Variants in DNAJC12 observed in about 807,000 individuals in gnomAD.
The protein encoded by DNAJC12 is dnaJ homolog subfamily C member 12.
Under a neutral mutation model 28.5 loss-of-function variants are expected in DNAJC12, and 25 were observed. The ratio of observed to expected loss-of-function variants is 0.88; its 90% CI spans 0.64 to 1.22. The LOEUF is 1.22. Ranked by LOEUF, DNAJC12 falls within the 50% of genes most tolerant of loss-of-function variation. The pLI, the probability that DNAJC12 is intolerant of heterozygous loss-of-function variation, is 0.00. For missense variants in DNAJC12, 222 were observed against 231.7 expected, an observed-to-expected ratio of 0.96 and a Z score of 0.27; for synonymous variants, 77 against 80.6, an observed-to-expected ratio of 0.95 and a Z score of 0.24.
At chr10:67,830,346 C>T (rs1388496304) in intron 1 of DNAJC12, among the ~76,000 whole-genome samples, 1 of 146,246 alleles carries the variant, frequency 6.8e-6, no homozygotes, top group African/African-American at 2.5e-5. Context: ...CTGTGGCTCA[C>T]TCTTGTAATC....
chr10:67,837,588 G>C (rs899318956), intron 1 of DNAJC12, among the ~76,000 whole-genome samples: 8 of 151,878 alleles, frequency 5.3e-5, no homozygotes, highest in African/African-American at 1.9e-4. Flanking sequence ...CCATAATAAA[G>C]GTATAGCTTA....
chr10:67,820,931 G>A (rs1338914418), intron 2 of DNAJC12, among the ~76,000 whole-genome samples: 3 of 151,886 alleles, frequency 2.0e-5, no homozygotes, highest in Admixed American at 6.6e-5. Flanking sequence ...TTACACGCAT[G>A]CGCCACTAGG....
intron 3 of DNAJC12, 27 bp downstream of exon 3, chr10:67,811,497 T>C (rs141560052): frequency 9.9e-6 from 16 of 1,613,224 alleles, no homozygotes; most frequent in Non-Finnish European, 1.4e-5. Flanking sequence ...CTTCACAAAT[T>C]CACGTCGCAC....
chr10:67,808,899 G>T (rs994087769), intron 3 of DNAJC12, among the ~76,000 whole-genome samples: 2 of 152,154 alleles, frequency 1.3e-5, no homozygotes, highest in Non-Finnish European at 2.9e-5. Context: ...TCTGGCTGGT[G>T]AAACTGTGGC....
intron 3 of DNAJC12, among the ~76,000 whole-genome samples, chr10:67,806,305 A>G (rs774507605): frequency 1.3e-5 from 2 of 152,336 alleles, no homozygotes; most frequent in Non-Finnish European, 2.9e-5. Flanking sequence ...CATAGCCTTT[A>G]ACACCCTAAA....
At chr10:67,836,828 AAAC>A (rs1238077090) in intron 1 of DNAJC12, among the ~76,000 whole-genome samples, 2 of 151,984 alleles carry the variant, frequency 1.3e-5, no homozygotes, top group Non-Finnish European at 2.9e-5. Flanking sequence ...TGCCTTTATG[AAAC>A]AACAATAAAT....
Position 67,824,806 on chromosome 10 carries a change from T to C in DNAJC12, c.79-1414A>G, listed in dbSNP as rs568154979. Among the ~76,000 whole-genome samples the C allele has an allele frequency of 2.6e-5, 4 of 152,180 alleles. No individual in the cohort carries two copies. In the South Asian group the frequency reaches 8.3e-4, roughly 32 times the overall value. On this transcript the variant is annotated intron_variant, in intron 1 of 4. Coordinates refer to ENST00000225171, the MANE Select transcript of DNAJC12 (RefSeq NM_021800.3). ...TGGAGTGCAGTGGCGTGATCTCCGC[T>C]CACTGCAACCTCCACCTCCTGGCTT...
At chr10:67,837,437 G>C (rs1174998331) in intron 1 of DNAJC12, among the ~76,000 whole-genome samples, 1 of 152,038 alleles carries the variant, frequency 6.6e-6, no homozygotes. Context: ...AGTAATTTCT[G>C]TCACACAATT....
At position 67,805,766 on chromosome 10, in the gene DNAJC12, C is replaced by T. The variant is rs911530618; in HGVS notation, c.319G>A (p.Gly107Ser). 17 of 1,604,112 alleles carry T rather than the reference C, an allele frequency of 1.1e-5. No homozygotes were observed. Among genetic ancestry groups the T allele is most frequent in the Non-Finnish European group, 1.4e-5 (17 of 1,177,226 alleles). Reference sequence around the variant, plus strand: ...TCTTCCAGCATCAGGTCTTTTTTACCTCTGACAACCCAGTGCATTGACTAA... The same window carrying T: ...TCTTCCAGCATCAGGTCTTTTTTACTTCTGACAACCCAGTGCATTGACTAA... ...VKTSMHWVVR[G>S]KKDLMLEESD... The change falls in exon 4 of 5, where the codon GGT becomes AGT. Residue 107 changes from glycine (G) to serine (S), a missense_variant. Gly to Ser is a moderately conservative substitution (Grantham distance 56, BLOSUM62 0). Transcript: ENST00000225171.
intron 3 of DNAJC12, among the ~76,000 whole-genome samples, chr10:67,808,064 T>C (rs1474706028): frequency 2.0e-5 from 3 of 152,220 alleles, no homozygotes; most frequent in African/African-American, 7.2e-5. Context: ...CACAGTTAGA[T>C]AGTCTGCAAA....
At chr10:67,814,990 A>C (rs1841899021) in intron 2 of DNAJC12, among the ~76,000 whole-genome samples, 1 of 152,214 alleles carries the variant, frequency 6.6e-6, no homozygotes, top group African/African-American at 2.4e-5. Flanking sequence ...CCCAACTATT[A>C]TAATCCTAGG....
intron 2 of DNAJC12, among the ~76,000 whole-genome samples, chr10:67,819,816 G>GGAAGGAAGGAAGGAAGGAAGGAAGGAAT (rs1268302354): frequency 4.7e-5 from 7 of 147,790 alleles, no homozygotes; most frequent in African/African-American, 1.8e-4. Context: ...AAGGAAGGAA[G>GGAAGGAAGGAAGGAAGGAAGGAAGGAAT]GAATGTTTAT....
chr10:67,821,481 A>T (rs534879301), intron 2 of DNAJC12, among the ~76,000 whole-genome samples: 1 of 152,234 alleles, frequency 6.6e-6, no homozygotes, highest in East Asian at 1.9e-4. Flanking sequence ...GTGCCATTGC[A>T]CTCCAGCCTG....
At chr10:67,828,709 G>A (rs906378453) in intron 1 of DNAJC12, among the ~76,000 whole-genome samples, 12 of 151,440 alleles carry the variant, frequency 7.9e-5, no homozygotes, top group East Asian at 1.9e-4. Context: ...TATATGAAGA[G>A]CCTTTAATTT....
chr10:67,805,764 A>G lies in DNAJC12; in HGVS notation c.321T>C (p.Gly107=). 2.5e-6 allele frequency: 4 copies of G among 1,603,922 alleles called. No homozygotes were observed. Among genetic ancestry groups the G allele is most frequent in the Non-Finnish European group, 3.4e-6 (4 of 1,177,132 alleles). ...ATTCTTCCAGCATCAGGTCTTTTTT[A>G]CCTCTGACAACCCAGTGCATTGACT... The part of the protein sequence containing the change: ...VKTSMHWVVR[G]KKDLMLEESD... The change falls in exon 4 of 5, where the codon GGT becomes GGC. Residue 107 remains glycine, a synonymous_variant. Transcript: ENST00000225171.
chr10:67,833,080 C>T (rs993173242), intron 1 of DNAJC12, among the ~76,000 whole-genome samples: 2 of 152,142 alleles, frequency 1.3e-5, no homozygotes, highest in Non-Finnish European at 2.9e-5. Flanking sequence ...TAGAAGAAAG[C>T]ATCAGATTGG....
chr10:67,818,039 C>T (rs1348942926), intron 2 of DNAJC12, among the ~76,000 whole-genome samples: 1 of 152,062 alleles, frequency 6.6e-6, no homozygotes, highest in Non-Finnish European at 1.5e-5. Context: ...CCCGTCTGTA[C>T]TAAAAATACA....
At chr10:67,802,830 T>C (rs1841759749) in intron 4 of DNAJC12, among the ~76,000 whole-genome samples, 1 of 144,302 alleles carries the variant, frequency 6.9e-6, no homozygotes, top group South Asian at 2.2e-4. Flanking sequence ...GTATATTAAG[T>C]TATTGTGCGT....
At chr10:67,805,919 T>A in intron 3 of DNAJC12, 132 bp from the exon 4 acceptor site, 1 of 607,406 alleles carries the variant, frequency 1.6e-6, no homozygotes, top group Non-Finnish European at 2.6e-6. Context: ...ACTTGACTAT[T>A]AACAAGATAC....
Sources: allele counts gnomAD v4.1 joint callset (sites outside exome capture counted in the v4.1 genomes callset), GRCh38; gene constraint gnomAD v4.1.1; transcripts MANE v1.5; gene names NCBI Gene and HGNC (gene_info 2026-07-23, HGNC 2026-07-21).